The following DENND1A variants were observed in gnomAD, a reference collection of about 807,000 sequenced individuals.
DENND1A encodes the protein DENN domain containing 1A, also known as DENN domain-containing protein 1A.
A neutral mutation model predicts 113.7 loss-of-function variants in DENND1A; 51 were observed. The observed-to-expected ratio is 0.45, with a 90% CI of 0.36 to 0.57. The LOEUF is 0.57. Ranked by LOEUF, DENND1A falls within the 20% of genes least tolerant of loss-of-function variation. The pLI is 0.00. For missense variants in DENND1A, 1,258 were observed against 1,395.9 expected (o/e 0.90, Z 1.57); for synonymous variants, 565 against 570.8 (o/e 0.99, Z 0.14).
chr9:123,661,521 G>T (rs1334112120), intron 8 of DENND1A, among the ~76,000 whole-genome samples: 2 of 152,138 alleles, frequency 1.3e-5, no homozygotes, highest in Non-Finnish European at 2.9e-5. Context: ...CAAAGAAAAA[G>T]ATTCTGATAC....
intron 5 of DENND1A, among the ~76,000 whole-genome samples, chr9:123,708,439 T>C (rs2066371735): frequency 6.6e-6 from 1 of 152,160 alleles, no homozygotes; most frequent in Non-Finnish European, 1.5e-5. Context: ...AAGAAAAATA[T>C]TGATGCATTG....
intron 18 of DENND1A, among the ~76,000 whole-genome samples, chr9:123,441,002 C>A (rs967771154): frequency 6.6e-6 from 1 of 152,062 alleles, no homozygotes; most frequent in East Asian, 1.9e-4. Context: ...ATTTAGGATT[C>A]TAATTTTTTT....
intron 12 of DENND1A, among the ~76,000 whole-genome samples, chr9:123,569,231 C>T (rs1401152266): frequency 6.6e-6 from 1 of 152,152 alleles, no homozygotes; most frequent in Non-Finnish European, 1.5e-5. Flanking sequence ...TGAGCTCTGC[C>T]AGTTAATTGA....
intron 13 of DENND1A, among the ~76,000 whole-genome samples, chr9:123,528,175 A>G (rs142380533): frequency 1.0e-3 from 152 of 152,356 alleles, no homozygotes; most frequent in Non-Finnish European, 1.8e-3. Context: ...CATGAACTCA[A>G]TATCAAAGCT....
intron 5 of DENND1A, among the ~76,000 whole-genome samples, chr9:123,709,380 G>A (rs184211063): frequency 6.6e-6 from 1 of 152,198 alleles, no homozygotes; most frequent in East Asian, 1.9e-4. Flanking sequence ...TTCTTATACT[G>A]GGATCAACTC....
At chr9:123,574,965 C>T (rs1359099797) in intron 12 of DENND1A, among the ~76,000 whole-genome samples, 39 of 152,166 alleles carry the variant, frequency 2.6e-4, no homozygotes, top group Admixed American at 2.2e-3. Flanking sequence ...ATCCAGGATC[C>T]TACATTGCAT....
At chr9:123,789,764 G>T (rs1023188032) in intron 3 of DENND1A, among the ~76,000 whole-genome samples, 4 of 152,228 alleles carry the variant, frequency 2.6e-5, no homozygotes, top group Non-Finnish European at 4.4e-5. Context: ...TTCAGTCACA[G>T]ATGTCAATCT....
At chr9:123,640,558 C>T (rs915606666) in intron 9 of DENND1A, among the ~76,000 whole-genome samples, 4 of 152,036 alleles carry the variant, frequency 2.6e-5, no homozygotes, top group African/African-American at 7.2e-5. Flanking sequence ...TCTGCTATTA[C>T]GACGATCCTA....
chr9:123,436,581 A>G (rs1305871375), intron 19 of DENND1A, among the ~76,000 whole-genome samples: 2 of 152,356 alleles, frequency 1.3e-5, no homozygotes, highest in East Asian at 1.9e-4. Context: ...CTTCCAAGGC[A>G]GGAATAGGCA....
chr9:123,708,431 G>A (rs543686880), intron 5 of DENND1A, among the ~76,000 whole-genome samples: 22 of 152,154 alleles, frequency 1.4e-4, no homozygotes, highest in Non-Finnish European at 2.6e-4. Context: ...CTATTTACAA[G>A]AAAAATATTG....
intron 2 of DENND1A, among the ~76,000 whole-genome samples, chr9:123,849,152 A>C (rs567394986): frequency 3.9e-5 from 6 of 152,326 alleles, no homozygotes; most frequent in Admixed American, 1.3e-4. Context: ...CTTATATTAG[A>C]AGAAAATGCC....
intron 2 of DENND1A, among the ~76,000 whole-genome samples, chr9:123,824,580 T>G (rs374055521): frequency 6.6e-6 from 1 of 152,058 alleles, no homozygotes; most frequent in Admixed American, 6.5e-5. Flanking sequence ...GCTTCAAAAC[T>G]GAGAAAGCCA....
At chr9:123,701,659 C>T (rs1209421636) in intron 5 of DENND1A, among the ~76,000 whole-genome samples, 2 of 152,202 alleles carry the variant, frequency 1.3e-5, no homozygotes, top group African/African-American at 4.8e-5. Flanking sequence ...GAATAACCCA[C>T]AGCAACAGGC....
rs2066047238 is a variant in DENND1A, at chr9:123,704,209, T to C, written c.303-27420A>G. Among the ~76,000 whole-genome samples the C allele has an allele frequency of 2.0e-5, 3 of 152,094 alleles. No individual in the cohort carries two copies. The South Asian group carries it at 6.2e-4, about 32-fold the overall frequency. On this transcript the variant is annotated intron_variant, in intron 5 of 23. Transcript: ENST00000394215. ...AAGCAATAAAGCTAGTTTTTACCCC[T>C]GAAGCTCTTTGCCAAACCATGAACA... is the stretch of plus-strand genomic sequence containing the variant.
At chr9:123,896,330 CAAAA>C (rs536760482) in intron 1 of DENND1A, among the ~76,000 whole-genome samples, 9 of 143,552 alleles carry the variant, frequency 6.3e-5, no homozygotes, top group Admixed American at 2.1e-4. Flanking sequence ...AACAAACAAA[CAAAA>C]AAAAAAAACC....
intron 1 of DENND1A, among the ~76,000 whole-genome samples, chr9:123,882,816 A>C (rs1228696275): frequency 6.6e-6 from 1 of 152,222 alleles, no homozygotes; most frequent in Non-Finnish European, 1.5e-5. Context: ...ATATGAATAC[A>C]CATAATACCT....
At chr9:123,877,356 G>C (rs2133528864) in intron 2 of DENND1A, among the ~76,000 whole-genome samples, 1 of 152,140 alleles carries the variant, frequency 6.6e-6, no homozygotes, top group East Asian at 1.9e-4. Flanking sequence ...GGACGTGGTG[G>C]TGGGCACCTG....
At chr9:123,545,368 C>T (rs1462071880) in intron 13 of DENND1A, among the ~76,000 whole-genome samples, 1 of 152,104 alleles carries the variant, frequency 6.6e-6, no homozygotes, top group Admixed American at 6.5e-5. Context: ...ACAACTGTAT[C>T]CTCTAATCAT....
At chr9:123,423,941 C>T (rs1166476509) in intron 19 of DENND1A, among the ~76,000 whole-genome samples, 1 of 152,190 alleles carries the variant, frequency 6.6e-6, no homozygotes. Context: ...TAATACTGTA[C>T]ATCATCCTTG....
Sources: allele counts gnomAD v4.1 joint callset (sites outside exome capture counted in the v4.1 genomes callset), GRCh38; gene constraint gnomAD v4.1.1; transcripts MANE v1.5; gene names NCBI Gene and HGNC (gene_info 2026-07-23, HGNC 2026-07-21).